The following ST3GAL5 variants were observed in gnomAD, a reference collection of about 807,000 sequenced individuals.
The protein encoded by ST3GAL5 is ST3 beta-galactoside alpha-2,3-sialyltransferase 5.
Under a neutral mutation model 46.1 loss-of-function variants are expected in ST3GAL5, and 25 were observed. The observed-to-expected ratio is 0.54, with a 90% CI of 0.40 to 0.76. ST3GAL5 has a LOEUF of 0.76. Among genes scored for constraint, ST3GAL5 ranks in the 30% least tolerant of loss-of-function variants. The pLI, the probability that ST3GAL5 is intolerant of heterozygous loss-of-function variation, is 0.00. For synonymous variants in ST3GAL5, 182 were observed against 192.7 expected, an observed-to-expected ratio of 0.94 and a Z score of 0.46; for missense variants, 431 against 521.2, an observed-to-expected ratio of 0.83 and a Z score of 1.69.
At chr2:85,887,971 G>A (rs1024635427) in intron 1 of ST3GAL5, 8 of 152,326 alleles carry the variant, frequency 5.3e-5, no homozygotes, top group African/African-American at 1.7e-4. Context: ...CATGACTTAA[G>A]ACATGAGGAT....
intron 1 of ST3GAL5, among the ~76,000 whole-genome samples, chr2:85,883,453 C>A (rs1178196852): frequency 2.6e-5 from 4 of 152,184 alleles, no homozygotes; most frequent in Non-Finnish European, 5.9e-5. Flanking sequence ...TTGTAAATTG[C>A]CCAGTCTGGG....
chr2:85,839,708 C>T lies in ST3GAL5; in HGVS notation c.*436G>A. The T allele has an allele frequency of 3.6e-6, 1 of 276,956 alleles. No homozygotes were observed. Among genetic ancestry groups the T allele is most frequent in the Non-Finnish European group, 7.1e-6 (1 of 141,766 alleles). The allele number at this position is 276,956 out of a possible 1,614,324, so 17.2% of individuals were successfully genotyped here. ...GGAGCACGTCATCCTGGGAGTGGAT[C>T]CTCCGTGGGTCACACCAAGCAGCGC... On this transcript the variant is annotated 3_prime_UTR_variant, in exon 7 of 7. Transcript: ENST00000638572.
chr2:85,852,651 G>C (rs1418501643), intron 3 of ST3GAL5, among the ~76,000 whole-genome samples: 1 of 152,156 alleles, frequency 6.6e-6, no homozygotes, highest in African/African-American at 2.4e-5. Context: ...CGGGATTGTG[G>C]TGACAGAGGC....
chr2:85,849,273 A>G (rs924134388), intron 3 of ST3GAL5: 4 of 152,164 alleles, frequency 2.6e-5, no homozygotes, highest in African/African-American at 7.2e-5. Flanking sequence ...CCCCAGCTAC[A>G]TGGGAGGCTG....
chr2:85,865,036 A>G (rs1467078837), intron 1 of ST3GAL5, among the ~76,000 whole-genome samples: 1 of 152,200 alleles, frequency 6.6e-6, no homozygotes, highest in Non-Finnish European at 1.5e-5. Flanking sequence ...GTGGAACAAC[A>G]AGAGAAGGAG....
At chr2:85,852,237 A>T (rs541876119) in intron 3 of ST3GAL5, among the ~76,000 whole-genome samples, 47 of 152,302 alleles carry the variant, frequency 3.1e-4, no homozygotes, top group Admixed American at 2.2e-3. Context: ...CATTAATGAG[A>T]TGTGGGAAGG....
intron 1 of ST3GAL5, 48 bp downstream of exon 1, chr2:85,888,769 GCAGCCCC>G: frequency 8.7e-7 from 1 of 1,151,716 alleles, no homozygotes; most frequent in Non-Finnish European, 1.1e-6. Context: ...AGTCGCCGCC[GCAGCCCC>G]CAGCCCGCGG....
intron 1 of ST3GAL5, among the ~76,000 whole-genome samples, chr2:85,871,420 C>T (rs929206259): frequency 7.2e-5 from 11 of 152,130 alleles, no homozygotes; most frequent in African/African-American, 2.7e-4. Flanking sequence ...AATATAAGGG[C>T]AAATTTGGGC....
intron 3 of ST3GAL5, among the ~76,000 whole-genome samples, chr2:85,858,909 T>C (rs543859878): frequency 1.3e-5 from 2 of 152,330 alleles, no homozygotes; most frequent in South Asian, 2.1e-4. Context: ...CTCTGGTCAT[T>C]CTTAGAAATC....
chr2:85,852,263 T>C (rs770647660), intron 3 of ST3GAL5, among the ~76,000 whole-genome samples: 7 of 152,210 alleles, frequency 4.6e-5, no homozygotes, highest in African/African-American at 7.2e-5. Context: ...AATTCTGCCA[T>C]GGATCACGTG....
chr2:85,885,486 T>A (rs192741530), intron 1 of ST3GAL5, among the ~76,000 whole-genome samples: 36 of 152,292 alleles, frequency 2.4e-4, no homozygotes, highest in Non-Finnish European at 4.4e-4. Context: ...TCCTTAGAAC[T>A]GTGGCCCTCA....
chr2:85,888,758 A>T, intron 1 of ST3GAL5, 66 bp downstream of exon 1: 2 of 1,126,460 alleles, frequency 1.8e-6, no homozygotes, highest in Non-Finnish European at 2.2e-6. Context: ...GGGAAGAGAC[A>T]AGTCGCCGCC....
Position 85,844,522 on chromosome 2 carries a change from C to G in ST3GAL5, c.882G>C (p.Gln294His). The change falls in exon 6 of 7, where the codon CAG (glutamine) becomes CAC (histidine). Residue 294 changes from glutamine to histidine, a missense_variant. Transcript: ENST00000638572. The stretch of plus-strand genomic sequence containing the variant: ...GCTGCAGTGGGATTTTTTCTGCCAC[C>G]TGCTTCCAAAAGAAGAGTCGTACCC... ...PFWVRLFFWK[Q>H]VAEKIPLQPK... The G allele has an allele frequency of 6.2e-7, 1 of 1,614,084 alleles. No homozygotes were observed. Among genetic ancestry groups the G allele is most frequent in the South Asian group, 1.1e-5 (1 of 91,084 alleles).
chr2:85,848,200 G>C lies in ST3GAL5; in HGVS notation c.323C>G (p.Ala108Gly). ...HYVDPDHVKR[A>G]QKYAQQVLQK... is the part of the protein sequence containing the mutation. ...CAAGACTTGCTGAGCATATTTCTGA[G>C]CTCTCTGGAATGAAATCACACCAAT... Residue 108 changes from alanine (A) to glycine (G), a missense_variant, in exon 4 of 7, where the codon GCT becomes GGT. Transcript: ENST00000638572. 1 of 1,614,106 alleles carries C rather than the reference G, an allele frequency of 6.2e-7. No homozygotes were observed. The highest frequency in any genetic ancestry group is 8.5e-7 in the Non-Finnish European group (1 of 1,180,004).
intron 3 of ST3GAL5, chr2:85,851,462 A>G: frequency 8.0e-7 from 1 of 1,250,764 alleles, no homozygotes; most frequent in Non-Finnish European, 1.0e-6. Context: ...ACTCCATCTC[A>G]TAGCCACTCA....
intron 1 of ST3GAL5, chr2:85,875,565 C>A (rs950026732): frequency 6.6e-6 from 1 of 152,036 alleles, no homozygotes; most frequent in Non-Finnish European, 1.5e-5. Flanking sequence ...AAAGGAAGAA[C>A]AAGAAACATG....
intron 6 of ST3GAL5, among the ~76,000 whole-genome samples, chr2:85,843,107 TC>T (rs905277011): frequency 5.3e-5 from 8 of 152,214 alleles, no homozygotes; most frequent in Non-Finnish European, 1.2e-4. Flanking sequence ...GGAGGTGTTT[TC>T]CTATATTCTT....
At position 85,846,527 on chromosome 2, in the gene ST3GAL5, A is replaced by T; in HGVS notation, c.699T>A (p.His233Gln). 1 of 1,614,192 alleles carries T rather than the reference A, an allele frequency of 6.2e-7. No homozygotes were observed. Among genetic ancestry groups the T allele is most frequent in the Non-Finnish European group, 8.5e-7 (1 of 1,180,032 alleles). ...TCCTTATAGTAGTTTTATTTCCAAC[A>T]TGTTCTGAATATCCCTCAACTGGTG... ...NSAPVEGYSE[H>Q]VGNKTTIRMT... The change falls in exon 5 of 7, where the codon CAT (histidine) becomes CAA (glutamine). Residue 233 changes from histidine to glutamine, a missense_variant. By Grantham distance (24) the His-to-Gln change is conservative. Transcript: ENST00000638572.
chr2:85,875,848 CG>C (rs1270960000), intron 1 of ST3GAL5, among the ~76,000 whole-genome samples: 3 of 152,030 alleles, frequency 2.0e-5, no homozygotes, highest in Non-Finnish European at 4.4e-5. Flanking sequence ...CTCCTCTTTG[CG>C]AATTCTTATA....
Sources: allele counts gnomAD v4.1 joint callset (sites outside exome capture counted in the v4.1 genomes callset), GRCh38; gene constraint gnomAD v4.1.1; transcripts MANE v1.5; gene names NCBI Gene and HGNC (gene_info 2026-07-23, HGNC 2026-07-21).